Variants in ATP8B4 observed in about 807,000 individuals in gnomAD.
The protein encoded by ATP8B4 is probable phospholipid-transporting ATPase IM.
In ATP8B4, 133 loss-of-function variants were observed where a neutral mutation model predicts 145.6. That is an observed-to-expected ratio of 0.91 (90% confidence interval 0.79 to 1.05). The LOEUF (loss-of-function observed/expected upper bound fraction) is 1.05, where lower values mean the gene tolerates loss of function less well. Ranked by LOEUF, ATP8B4 falls within the 50% of genes least tolerant of loss-of-function variation. The pLI is 0.00. For missense variants in ATP8B4, 1,458 were observed against 1,425.2 expected (o/e 1.02, Z -0.37); for synonymous variants, 507 against 492.9 (o/e 1.03, Z -0.38).
Position 49,916,950 on chromosome 15 carries a change from C to T in ATP8B4, c.2125G>A (p.Val709Met). 1.9e-6 allele frequency: 3 copies of T among 1,613,748 alleles called. No individual in the cohort carries two copies. Among genetic ancestry groups the T allele is most frequent in the Non-Finnish European group, 2.5e-6 (3 of 1,179,804 alleles). The change falls in exon 20 of 28, where the codon GTG becomes ATG. Residue 709 changes from valine to methionine, a missense_variant. Physicochemically the swap from Val to Met is conservative, Grantham distance 21 (BLOSUM62 1). Transcript: ENST00000284509. ...AACACCTACCTGAGTTCTTCTCTCA[C>T]TTCCACAGCATTATTCCCTGCTATC... ...FVIAGNNAVE[V>M]REELRKAKQN...
chr15:49,995,803 T>C (rs2047376331), intron 9 of ATP8B4, among the ~76,000 whole-genome samples: 1 of 152,156 alleles, frequency 6.6e-6, no homozygotes, highest in African/African-American at 2.4e-5. Context: ...ACTAATATTC[T>C]GGGCCAGACT....
intron 16 of ATP8B4, among the ~76,000 whole-genome samples, chr15:49,929,747 C>T (rs1366150762): frequency 6.6e-6 from 1 of 151,916 alleles, no homozygotes; most frequent in Non-Finnish European, 1.5e-5. Context: ...AGAAAGTTTA[C>T]AGAGACCAAA....
chr15:50,057,725 GT>G (rs983314463), intron 3 of ATP8B4, among the ~76,000 whole-genome samples: 4 of 152,276 alleles, frequency 2.6e-5, no homozygotes, highest in Admixed American at 6.5e-5. Context: ...CACAAACTTT[GT>G]TCTCTTTTCT....
At chr15:49,899,437 G>C (rs80040971) in intron 21 of ATP8B4, among the ~76,000 whole-genome samples, 1 of 152,094 alleles carries the variant, frequency 6.6e-6, no homozygotes, top group Non-Finnish European at 1.5e-5. Context: ...CACTGTGACC[G>C]GGGCACGCTT....
At chr15:49,889,089 G>A (rs1344707931) in intron 23 of ATP8B4, among the ~76,000 whole-genome samples, 1 of 151,998 alleles carries the variant, frequency 6.6e-6, no homozygotes, top group African/African-American at 2.4e-5. Context: ...TCTGATTAGG[G>A]GTTGAGGGAA....
chr15:50,090,068 C>T (rs145556498), intron 2 of ATP8B4, among the ~76,000 whole-genome samples: 28,043 of 152,008 alleles, frequency 0.18, 3,312 homozygotes, highest in Non-Finnish European at 0.27. Context: ...TGCAGGGACA[C>T]GGATGGAGCT....
At position 49,916,962 on chromosome 15, in the gene ATP8B4, T is replaced by C. The variant is rs1376352819; in HGVS notation, c.2113A>G (p.Asn705Asp). The stretch of plus-strand genomic sequence containing the variant: ...AGTTCTTCTCTCACTTCCACAGCAT[T>C]ATTCCCTGCTATCACAAACACATCA... ...MNDVFVIAGN[N>D]AVEVREELRK... Residue 705 changes from asparagine (N) to aspartate (D), a missense_variant, in exon 20 of 28, where the codon AAT (asparagine) becomes GAT (aspartate). Asn to Asp is a conservative substitution (Grantham distance 23). Transcript: ENST00000284509. The C allele has an allele frequency of 6.2e-7, 1 of 1,613,954 alleles. No individual in the cohort carries two copies. Among genetic ancestry groups the C allele is most frequent in the South Asian group, 1.1e-5 (1 of 91,052 alleles).
chr15:49,900,694 T>C (rs1251146163), intron 21 of ATP8B4, among the ~76,000 whole-genome samples: 3 of 152,210 alleles, frequency 2.0e-5, no homozygotes, highest in East Asian at 1.9e-4. Flanking sequence ...GGTCAGGTTG[T>C]GCTCCACAAA....
intron 3 of ATP8B4, among the ~76,000 whole-genome samples, chr15:50,048,471 GC>G (rs1162236765): frequency 1.3e-5 from 2 of 152,000 alleles, no homozygotes; most frequent in Non-Finnish European, 2.9e-5. Flanking sequence ...ATTTTGGGAG[GC>G]AGAGGTAGGT....
At chr15:50,016,925 A>C (rs1162756357) in intron 6 of ATP8B4, among the ~76,000 whole-genome samples, 1 of 152,132 alleles carries the variant, frequency 6.6e-6, no homozygotes, top group Non-Finnish European at 1.5e-5. Context: ...CTTGAGGGGC[A>C]GTGGGCAGGG....
intron 1 of ATP8B4, among the ~76,000 whole-genome samples, chr15:50,148,035 C>A (rs8029891): frequency 0.89 from 135,642 of 152,236 alleles, 60,791 homozygotes; most frequent in East Asian, 0.94. Context: ...CTAAGTGATC[C>A]AACTTAATAC....
At chr15:49,974,921 TGACA>T (rs2045537880) in intron 12 of ATP8B4, among the ~76,000 whole-genome samples, 1 of 152,218 alleles carries the variant, frequency 6.6e-6, no homozygotes, top group Non-Finnish European at 1.5e-5. Flanking sequence ...TTCATTGATA[TGACA>T]GCTACTACAT....
chr15:50,173,556 C>T (rs1302031421), intron 1 of ATP8B4, among the ~76,000 whole-genome samples: 1 of 152,078 alleles, frequency 6.6e-6, no homozygotes, highest in Non-Finnish European at 1.5e-5. Context: ...ATAAACACTG[C>T]GGAAGGCAGA....
intron 1 of ATP8B4, among the ~76,000 whole-genome samples, chr15:50,136,725 G>C (rs143623139): frequency 0.013 from 2,024 of 152,254 alleles, 19 homozygotes; most frequent in Non-Finnish European, 0.02. Flanking sequence ...GATGGTGAGC[G>C]TGGGGCTCTG....
chr15:49,960,363 G>GC (rs1325931658), intron 14 of ATP8B4, among the ~76,000 whole-genome samples: 1 of 152,160 alleles, frequency 6.6e-6, no homozygotes, highest in Non-Finnish European at 1.5e-5. Flanking sequence ...GCTAACATAT[G>GC]CCAGAAAGAA....
chr15:50,034,760 T>C (rs2153596895), intron 6 of ATP8B4, among the ~76,000 whole-genome samples: 1 of 152,268 alleles, frequency 6.6e-6, no homozygotes, highest in Middle Eastern at 3.4e-3. Context: ...GATGTCCAGT[T>C]TGAGGAGCGT....
intron 3 of ATP8B4, among the ~76,000 whole-genome samples, chr15:50,049,828 T>C (rs1600079387): frequency 6.6e-6 from 1 of 152,326 alleles, no homozygotes; most frequent in East Asian, 1.9e-4. Context: ...TTTTTCTTTT[T>C]TTACTTTTTA....
At chr15:50,181,788 A>C (rs551170294) in intron 1 of ATP8B4, among the ~76,000 whole-genome samples, 1 of 152,268 alleles carries the variant, frequency 6.6e-6, no homozygotes, top group Admixed American at 6.5e-5. Flanking sequence ...CAGGAAGGAG[A>C]GATGAGATTC....
At chr15:50,121,015 G>A (rs554486684), upstream of ATP8B4, among the ~76,000 whole-genome samples, 1 of 152,276 alleles carries the variant, frequency 6.6e-6, no homozygotes, top group South Asian at 2.1e-4. Flanking sequence ...ATAAGAGATA[G>A]GCCTCTTCAG....
Sources: gnomAD v4.1 joint callset for allele counts (sites outside exome capture counted in the v4.1 genomes callset) on GRCh38, gnomAD v4.1.1 for gene constraint, MANE v1.5 for transcripts, NCBI Gene and HGNC (gene_info 2026-07-23, HGNC 2026-07-21) for gene names.